FARS2: variants seen among roughly 807,000 people sequenced by gnomAD.
The protein encoded by FARS2 is phenylalanine--tRNA ligase, mitochondrial.
A neutral mutation model predicts 46.4 loss-of-function variants in FARS2; 40 were observed. That is an observed-to-expected ratio of 0.86 (90% CI 0.67 to 1.12). The LOEUF is 1.12. FARS2 is among the 50% of genes most tolerant of loss of function. The pLI is 0.00. For missense variants in FARS2, 513 were observed against 567.9 expected, an observed-to-expected ratio of 0.90 and a Z score of 0.98; for synonymous variants, 234 against 214.9, an observed-to-expected ratio of 1.09 and a Z score of -0.78.
chr6:5,732,812 C>CAA (rs111399257), intron 6 of FARS2, among the ~76,000 whole-genome samples: 19,116 of 144,714 alleles, frequency 0.13, 1,505 homozygotes, highest in Non-Finnish European at 0.19. Context: ...TCATATCCTT[C>CAA]AAAAAAAAAA....
At chr6:5,753,757 T>C (rs1317646807) in intron 6 of FARS2, among the ~76,000 whole-genome samples, 2 of 152,182 alleles carry the variant, frequency 1.3e-5, no homozygotes, top group Non-Finnish European at 2.9e-5. Flanking sequence ...CCAAATCAAA[T>C]ATGGTCAACG....
At position 5,664,901 on chromosome 6, in the gene FARS2, G is replaced by T. The variant is rs113300317; in HGVS notation, c.1217+51581G>T. ...ACTTCATTTTTATTATTTTGGTCCT[G>T]CCAGTTCTCTTCATCTGGTTTCCTG... On this transcript the variant is annotated intron_variant, in intron 6 of 6. Coordinates refer to ENST00000274680, the MANE Select transcript of FARS2 (RefSeq NM_006567.5). 3.9e-5 allele frequency: 6 copies of T among 152,310 alleles called. No individual in the cohort carries two copies. The East Asian group carries it at 1.2e-3, about 29-fold the overall frequency. 9.4% of individuals were successfully genotyped at this position (152,310 alleles called of 1,614,324 possible).
chr6:5,326,115 C>T (rs760532596), intron 1 of FARS2, among the ~76,000 whole-genome samples: 6 of 152,230 alleles, frequency 3.9e-5, no homozygotes, highest in Non-Finnish European at 8.8e-5. Context: ...TTCTTCTTAA[C>T]TCATCCTAAG....
At chr6:5,707,687 A>AGCAAATC (rs1758843906) in intron 6 of FARS2, among the ~76,000 whole-genome samples, 1 of 152,182 alleles carries the variant, frequency 6.6e-6, no homozygotes, top group African/African-American at 2.4e-5. Flanking sequence ...CTGAGCACAC[A>AGCAAATC]TGCCAGTCTA....
chr6:5,346,132 C>T (rs1030305282), intron 1 of FARS2, among the ~76,000 whole-genome samples: 2 of 152,330 alleles, frequency 1.3e-5, no homozygotes, highest in African/African-American at 2.4e-5. Context: ...CCAACTTTCT[C>T]ATCCGTAAAG....
chr6:5,341,514 A>G (rs1030932084), intron 1 of FARS2, among the ~76,000 whole-genome samples: 2 of 150,664 alleles, frequency 1.3e-5, no homozygotes, highest in Non-Finnish European at 3.0e-5. Context: ...TTTATTTATT[A>G]TTTTATTTTA....
At chr6:5,302,207 G>C (rs558649311) in intron 1 of FARS2, among the ~76,000 whole-genome samples, 2 of 152,190 alleles carry the variant, frequency 1.3e-5, no homozygotes, top group Non-Finnish European at 1.5e-5. Flanking sequence ...CTGTGTTGTT[G>C]TGTTGTTTAA....
rs546985758 is a variant in FARS2, at chr6:5,590,337, A to C, written c.1066-22832A>C. Among the ~76,000 whole-genome samples, 12 of 152,340 alleles carry C rather than the reference A, an allele frequency of 7.9e-5. No homozygotes were observed. The South Asian group carries it at 1.4e-3, about 18-fold the overall frequency. On this transcript the variant is annotated intron_variant, in intron 5 of 6. Transcript: ENST00000274680. ...CTTTCAGAGGAGACTGATGCCCAGC[A>C]CTATTCCTGGAGATGTAGATTCACT...
intron 2 of FARS2, among the ~76,000 whole-genome samples, chr6:5,396,302 G>T (rs1760897650): frequency 6.6e-6 from 1 of 152,142 alleles, no homozygotes; most frequent in African/African-American, 2.4e-5. Context: ...AATATTGTTA[G>T]AGTTGTGTTT....
chr6:5,530,702 CAA>C (rs1297540956), intron 4 of FARS2, among the ~76,000 whole-genome samples: 5 of 145,448 alleles, frequency 3.4e-5, no homozygotes, highest in Admixed American at 1.4e-4. Context: ...ATAACAATAA[CAA>C]TATCTATATA....
intron 2 of FARS2, among the ~76,000 whole-genome samples, chr6:5,390,377 G>A (rs1760427903): frequency 6.6e-6 from 1 of 152,180 alleles, no homozygotes. Flanking sequence ...CATCGCACAT[G>A]CTAAAAATAT....
intron 4 of FARS2, chr6:5,456,962 G>GT (rs1318298234): frequency 6.6e-6 from 1 of 152,146 alleles, no homozygotes; most frequent in East Asian, 1.9e-4. Flanking sequence ...CCTCGCCTTG[G>GT]TAAGGGTCTC....
At chr6:5,279,186 G>A (rs570114646) in intron 1 of FARS2, among the ~76,000 whole-genome samples, 1 of 152,000 alleles carries the variant, frequency 6.6e-6, no homozygotes, top group Non-Finnish European at 1.5e-5. Context: ...GAACACCCTG[G>A]CTAACACGGT....
At chr6:5,692,290 G>T (rs1323107485) in intron 6 of FARS2, among the ~76,000 whole-genome samples, 1 of 152,222 alleles carries the variant, frequency 6.6e-6, no homozygotes, top group Non-Finnish European at 1.5e-5. Flanking sequence ...CATGCTGGGA[G>T]CTGCAGACTG....
intron 4 of FARS2, among the ~76,000 whole-genome samples, chr6:5,467,718 T>C (rs1024125756): frequency 2.6e-5 from 4 of 152,236 alleles, no homozygotes; most frequent in Non-Finnish European, 5.9e-5. Context: ...ATTACTGTTC[T>C]TATTCTTCTT....
chr6:5,380,105 A>G (rs116627046), intron 2 of FARS2, among the ~76,000 whole-genome samples: 1,955 of 152,320 alleles, frequency 0.013, 20 homozygotes, highest in Middle Eastern at 0.034. Flanking sequence ...AATATTTCTG[A>G]AAACAATTAG....
intron 1 of FARS2, among the ~76,000 whole-genome samples, chr6:5,307,598 G>A (rs1043256950): frequency 3.9e-5 from 6 of 152,176 alleles, no homozygotes; most frequent in Admixed American, 2.0e-4. Context: ...TATACTACAC[G>A]TAACATTGGG....
At chr6:5,476,736 T>G (rs1766146555) in intron 4 of FARS2, among the ~76,000 whole-genome samples, 1 of 151,964 alleles carries the variant, frequency 6.6e-6, no homozygotes, top group Non-Finnish European at 1.5e-5. Context: ...TGCAGTGCAG[T>G]GGGGAAGGGC....
intron 1 of FARS2, among the ~76,000 whole-genome samples, chr6:5,265,733 G>A (rs1192031312): frequency 6.6e-6 from 1 of 152,110 alleles, no homozygotes; most frequent in Non-Finnish European, 1.5e-5. Context: ...AAGGTATTAG[G>A]TTGGTGAAAG....
Sources: gnomAD v4.1 joint callset for allele counts (sites outside exome capture counted in the v4.1 genomes callset) on GRCh38, gnomAD v4.1.1 for gene constraint, MANE v1.5 for transcripts, NCBI Gene and HGNC (gene_info 2026-07-23, HGNC 2026-07-21) for gene names.